TPP2: variants seen among roughly 807,000 people sequenced by gnomAD.
TPP2 encodes tripeptidyl-peptidase 2.
In TPP2, 34 loss-of-function variants were observed where a neutral mutation model predicts 155.9. The ratio of observed to expected loss-of-function variants is 0.22; its 90% CI spans 0.17 to 0.29. TPP2 has a LOEUF of 0.29. Among genes scored for constraint, TPP2 ranks in the 10% least tolerant of loss-of-function variants. The pLI, the probability that TPP2 is intolerant of heterozygous loss-of-function variation, is 1.00. For missense variants in TPP2, 1,028 were observed against 1,522.3 expected (o/e 0.68, Z 5.40); for synonymous variants, 510 against 529.4 (o/e 0.96, Z 0.50).
chr13:102,659,181 A>T (rs1486059263), intron 25 of TPP2, among the ~76,000 whole-genome samples: 1 of 152,218 alleles, frequency 6.6e-6, no homozygotes, highest in Non-Finnish European at 1.5e-5. Context: ...AAAACAGTGG[A>T]GAAAAAAGGA....
rs972195037 is a variant in TPP2, at chr13:102,635,437, T to C, written c.1394-150T>C. On this transcript the variant is annotated intron_variant, in intron 11 of 29. Transcript: ENST00000376052. ...TGCAAGCAGTTTGAGTCAGACTGTT[T>C]AGTTCAGGTCTTCAAAAAAGATTTT... 9.7e-5 allele frequency: 54 copies of C among 559,102 alleles called. No individual in the cohort carries two copies. The Admixed American group carries it at 1.6e-3, about 16-fold the overall frequency. The allele number at this position is 559,102 out of a possible 1,614,324, so 34.6% of individuals were successfully genotyped here. A position where few individuals can be genotyped will look rare whatever the true frequency, so the allele number is the denominator to read the frequency against.
At chr13:102,646,259 TGAATC>T in intron 19 of TPP2, 30 bp from the exon 20 acceptor site, 2 of 1,550,950 alleles carry the variant, frequency 1.3e-6, no homozygotes, top group Non-Finnish European at 1.8e-6. Context: ...AATGAACTCT[TGAATC>T]AAACCAGTTA....
intron 8 of TPP2, among the ~76,000 whole-genome samples, chr13:102,628,662 C>G (rs948801736): frequency 1.3e-5 from 2 of 152,072 alleles, no homozygotes; most frequent in Non-Finnish European, 2.9e-5. Context: ...GAAATTACCT[C>G]GAGTATTTAC....
At chr13:102,635,492 C>T in intron 11 of TPP2, 95 bp from the exon 12 acceptor site, 1 of 795,674 alleles carries the variant, frequency 1.3e-6, no homozygotes, top group Non-Finnish European at 2.0e-6. Flanking sequence ...AAGACATTAA[C>T]ACCAGAGGGT....
intron 17 of TPP2, among the ~76,000 whole-genome samples, chr13:102,643,673 T>C (rs1387525236): frequency 2.0e-5 from 3 of 152,248 alleles, no homozygotes; most frequent in African/African-American, 2.4e-5. Context: ...TTTGTTGTAC[T>C]ATAGATTAAT....
intron 12 of TPP2, 31 bp downstream of exon 12, chr13:102,635,733 A>G: frequency 6.7e-7 from 1 of 1,488,428 alleles, no homozygotes; most frequent in Non-Finnish European, 9.3e-7. Flanking sequence ...AATGGGTTGT[A>G]AAGCATCATT....
chr13:102,653,434 C>T (rs1402067308), intron 24 of TPP2, among the ~76,000 whole-genome samples: 4 of 152,102 alleles, frequency 2.6e-5, no homozygotes, highest in Non-Finnish European at 5.9e-5. Flanking sequence ...ACTCTACACT[C>T]CAGGCTAGAG....
At chr13:102,672,890 G>T (rs140573316) in intron 27 of TPP2, among the ~76,000 whole-genome samples, 1 of 152,294 alleles carries the variant, frequency 6.6e-6, no homozygotes, top group Non-Finnish European at 1.5e-5. Context: ...GTGAAAGTTG[G>T]TTCTTCAAGC....
Position 102,614,085 on chromosome 13 carries a change from C to T in TPP2, c.295-16C>T. The T allele has an allele frequency of 6.5e-7, 1 of 1,547,548 alleles. No homozygotes were observed. Among genetic ancestry groups the T allele is most frequent in the Non-Finnish European group, 8.9e-7 (1 of 1,129,856 alleles). ...GCATTTAGTGAATGAACAGGTTACT[C>T]TTTTTTTTTCTGTAGATTCCTGCAA... On this transcript the variant is annotated splice_polypyrimidine_tract_variant and intron_variant, in intron 2 of 29. Transcript: ENST00000376052.
intron 27 of TPP2, among the ~76,000 whole-genome samples, chr13:102,671,745 C>T (rs1884997422): frequency 6.6e-6 from 1 of 152,096 alleles, no homozygotes; most frequent in Non-Finnish European, 1.5e-5. Flanking sequence ...GGACGGGGCT[C>T]AGGCAAAACC....
chr13:102,674,618 C>A, intron 28 of TPP2, 128 bp downstream of exon 28: 1 of 882,924 alleles, frequency 1.1e-6, no homozygotes, highest in Non-Finnish European at 1.7e-6. Flanking sequence ...CTGAATATGA[C>A]ATGTTTAGCC....
At chr13:102,640,729 C>T (rs1882708254) in intron 16 of TPP2, among the ~76,000 whole-genome samples, 1 of 143,186 alleles carries the variant, frequency 7.0e-6, no homozygotes, top group Non-Finnish European at 1.5e-5. Context: ...CGGCTCACTG[C>T]AACCTCCACC....
At chr13:102,606,995 A>G (rs993348811) in intron 2 of TPP2, among the ~76,000 whole-genome samples, 14 of 152,162 alleles carry the variant, frequency 9.2e-5, no homozygotes, top group African/African-American at 3.4e-4. Flanking sequence ...GGATAGGATT[A>G]GTACCCTTAT....
At chr13:102,665,435 G>A (rs1884530777) in intron 27 of TPP2, among the ~76,000 whole-genome samples, 1 of 152,126 alleles carries the variant, frequency 6.6e-6, no homozygotes, top group Admixed American at 6.6e-5. Context: ...GAGAATAGGA[G>A]GAGAGAATTT....
chr13:102,647,144 T>TA (rs1223761055), intron 20 of TPP2, 63 bp from the exon 21 acceptor site: 5 of 1,485,408 alleles, frequency 3.4e-6, no homozygotes, highest in Non-Finnish European at 4.5e-6. Context: ...ATAACAATAT[T>TA]AAAAATTTGT....
chr13:102,643,828 T>A (rs990672384), intron 17 of TPP2, among the ~76,000 whole-genome samples: 1 of 152,172 alleles, frequency 6.6e-6, no homozygotes, highest in Non-Finnish European at 1.5e-5. Context: ...TTCTTATCTG[T>A]GGTGTTGGAA....
chr13:102,640,099 GCTAACCTACTGCAAAA>G (rs1882652894), intron 15 of TPP2, among the ~76,000 whole-genome samples, 155 bp from the exon 16 acceptor site: 3 of 151,296 alleles, frequency 2.0e-5, no homozygotes, highest in African/African-American at 7.4e-5. Flanking sequence ...GGTTATCTCT[GCTAACCTACTGCAAAA>G]ATTGAACAAT....
At chr13:102,676,159 T>C in intron 28 of TPP2, 137 bp from the exon 29 acceptor site, 1 of 788,270 alleles carries the variant, frequency 1.3e-6, no homozygotes, top group Non-Finnish European at 1.8e-6. Flanking sequence ...TTTTTCAAAG[T>C]TTTTAAAAAT....
In TPP2 at chr13:102,657,086, C is replaced by A. The variant is rs556619994; in HGVS notation, c.3022C>A (p.Pro1008Thr). 6.3e-7 allele frequency: 1 copy of A among 1,590,396 alleles called. No homozygotes were observed. The highest frequency in any genetic ancestry group is 1.7e-4 in the Middle Eastern group (1 of 5,996). ...AATCCCTGTTCATTACTACTTAATA[C>A]CTCCACCAACAAAGACTAAGAATGG... Reference protein sequence around the residue: ...DVIPVHYYLIPPPTKTKNGSK... With the variant: ...DVIPVHYYLITPPTKTKNGSK... Residue 1008 changes from proline to threonine, a missense_variant, in exon 25 of 30, where the codon CCT becomes ACT. By Grantham distance (38) the Pro-to-Thr change is conservative. This residue lies in a region of TPP2 where 179 missense variants were observed against 274.7 expected (regional missense o/e 0.65). Coordinates refer to ENST00000376052, the MANE Select transcript of TPP2 (RefSeq NM_001330588.2).
Sources: allele counts gnomAD v4.1 joint callset (sites outside exome capture counted in the v4.1 genomes callset), GRCh38; gene constraint gnomAD v4.1.1; regional missense constraint gnomAD v4.1.1; transcripts MANE v1.5; gene names NCBI Gene and HGNC (gene_info 2026-07-23, HGNC 2026-07-21).